The following PAK5 variants were observed in gnomAD, a reference collection of about 807,000 sequenced individuals.
PAK5 encodes the protein serine/threonine-protein kinase PAK 5.
A neutral mutation model predicts 65.9 loss-of-function variants in PAK5; 16 were observed. The observed-to-expected ratio is 0.24, with a 90% CI of 0.16 to 0.37. The LOEUF is 0.37. Among genes scored for constraint, PAK5 ranks in the 10% least tolerant of loss-of-function variants. PAK5 has a pLI of 1.00. For synonymous variants in PAK5, 371 were observed against 354.9 expected (o/e 1.05, Z -0.51); for missense variants, 785 against 903.9 (o/e 0.87, Z 1.69).
chr20:9,789,885 G>T (rs2049031778), intron 1 of PAK5, among the ~76,000 whole-genome samples: 1 of 152,066 alleles, frequency 6.6e-6, no homozygotes, highest in Admixed American at 6.6e-5. Context: ...AAAATGAAGT[G>T]GCTCATTTTC....
chr20:9,669,996 C>T (rs548626622), intron 2 of PAK5, among the ~76,000 whole-genome samples: 1 of 151,184 alleles, frequency 6.6e-6, no homozygotes, highest in Admixed American at 6.6e-5. Flanking sequence ...TCATCAATTC[C>T]CACCTATGAG....
chr20:9,541,002 C>T (rs1356010688), intron 9 of PAK5, among the ~76,000 whole-genome samples: 1 of 152,176 alleles, frequency 6.6e-6, no homozygotes, highest in Non-Finnish European at 1.5e-5. Flanking sequence ...TTCCAGAGTG[C>T]TGGGATTACA....
intron 1 of PAK5, among the ~76,000 whole-genome samples, chr20:9,836,421 A>G (rs1395814859): frequency 2.0e-5 from 3 of 152,244 alleles, no homozygotes; most frequent in South Asian, 2.1e-4. Context: ...ACACAGGGAC[A>G]GAGACAGAGA....
At chr20:9,779,834 T>G (rs1051807460) in intron 1 of PAK5, among the ~76,000 whole-genome samples, 6 of 152,060 alleles carry the variant, frequency 3.9e-5, no homozygotes, top group African/African-American at 1.4e-4. Context: ...TTAATGCAAC[T>G]TAACCAAGAT....
intron 3 of PAK5, among the ~76,000 whole-genome samples, chr20:9,641,154 C>T (rs906724137): frequency 7.2e-5 from 11 of 151,970 alleles, no homozygotes; most frequent in Middle Eastern, 3.4e-3. Context: ...TACAGAGTTT[C>T]GACACACAGG....
At chr20:9,701,025 G>T (rs1042846305) in intron 2 of PAK5, among the ~76,000 whole-genome samples, 39 of 152,084 alleles carry the variant, frequency 2.6e-4, no homozygotes, top group African/African-American at 9.4e-4. Flanking sequence ...AGATAGGTAG[G>T]AGCCATTGCA....
At position 9,567,146 on chromosome 20, in the gene PAK5, C is replaced by G. The variant is rs1324708092; in HGVS notation, c.991-762G>C. 2.0e-5 allele frequency among the ~76,000 whole-genome samples: 3 copies of G among 152,244 alleles called. No homozygotes were observed. The South Asian group carries it at 6.2e-4, about 32-fold the overall frequency. On this transcript the variant is annotated intron_variant, in intron 4 of 9. Transcript: ENST00000353224. ...TGCTGAGGCCAGGATGGTAAAGATA[C>G]CACATCTTGTCATGTGGTATGCTCC... is the stretch of plus-strand genomic sequence containing the variant.
intron 1 of PAK5, among the ~76,000 whole-genome samples, chr20:9,739,228 C>T (rs201013293): frequency 4.1e-5 from 6 of 145,718 alleles, no homozygotes; most frequent in African/African-American, 7.5e-5. Context: ...TCTTTGCTTT[C>T]TTTTTTTTTT....
chr20:9,707,024 C>T (rs1256392946), intron 2 of PAK5, among the ~76,000 whole-genome samples: 1 of 152,110 alleles, frequency 6.6e-6, no homozygotes, highest in Non-Finnish European at 1.5e-5. Flanking sequence ...TAATCCTCCT[C>T]TCTCTCCCTC....
intron 1 of PAK5, among the ~76,000 whole-genome samples, chr20:9,802,282 T>C (rs1207756655): frequency 6.6e-6 from 1 of 152,046 alleles, no homozygotes; most frequent in East Asian, 1.9e-4. Context: ...GTTAGCTAGG[T>C]TGTACTCACG....
chr20:9,651,968 A>G (rs2047208881), intron 2 of PAK5, among the ~76,000 whole-genome samples: 2 of 152,342 alleles, frequency 1.3e-5, no homozygotes, highest in South Asian at 4.1e-4. Context: ...CATGGTAGAA[A>G]GAATAAGACC....
rs768615574 is a variant in PAK5, at chr20:9,563,022, G to A, written c.1485C>T (p.Val495=). Residue 495 remains valine, a splice_region_variant and synonymous_variant, in exon 6 of 10, where the codon GTC becomes GTT. Transcript: ENST00000353224. ...CATGGTGGTAATCCCGCATGATCAC[G>A]ACCTGGGGAAACGGGAAATATACTT... ...QQRRELLFNE[V]VIMRDYHHDN... 7.4e-6 allele frequency: 12 copies of A among 1,612,264 alleles called. No homozygotes were observed. Among genetic ancestry groups the A allele is most frequent in the South Asian group, 3.3e-5 (3 of 90,848 alleles).
At chr20:9,781,551 A>T (rs1046168807) in intron 1 of PAK5, among the ~76,000 whole-genome samples, 1 of 152,146 alleles carries the variant, frequency 6.6e-6, no homozygotes, top group East Asian at 1.9e-4. Context: ...TCTAGACATC[A>T]CTTGGAGCAC....
At chr20:9,708,233 C>A (rs571928436) in intron 2 of PAK5, among the ~76,000 whole-genome samples, 1 of 152,014 alleles carries the variant, frequency 6.6e-6, no homozygotes, top group Non-Finnish European at 1.5e-5. Flanking sequence ...GCCAAGGGAC[C>A]CTTTTGGAGG....
intron 3 of PAK5, among the ~76,000 whole-genome samples, chr20:9,634,611 A>T (rs1162956650): frequency 6.6e-6 from 1 of 152,210 alleles, no homozygotes; most frequent in African/African-American, 2.4e-5. Context: ...TCAAAAAATA[A>T]CCACATTAAT....
Position 9,781,884 on chromosome 20 carries a change from C to G in PAK5, c.-162+56878G>C, listed in dbSNP as rs2048944110. Among the ~76,000 whole-genome samples the G allele has an allele frequency of 2.6e-5, 4 of 152,236 alleles. No homozygotes were observed. In the Middle Eastern group the frequency reaches 0.014, roughly 518 times the overall value. On this transcript the variant is annotated intron_variant, in intron 1 of 9. Coordinates refer to ENST00000353224, the MANE Select transcript of PAK5 (RefSeq NM_177990.4). ...TCAATATAAATGTATTGGAACAGGT[C>G]TCTTAGTTTCTCCCCTTTCCCCTAT...
At chr20:9,569,954 G>T (rs763845054) in intron 4 of PAK5, among the ~76,000 whole-genome samples, 2 of 149,190 alleles carry the variant, frequency 1.3e-5, no homozygotes, top group African/African-American at 5.2e-5. Flanking sequence ...CCTGGTTGCA[G>T]AGAGAACACA....
chr20:9,799,938 C>CAAAAAAAAAAAA (rs1215635117), intron 1 of PAK5, among the ~76,000 whole-genome samples: 1 of 18,978 alleles, frequency 5.3e-5, no homozygotes, highest in Non-Finnish European at 1.1e-4. Flanking sequence ...GACTCTGTCT[C>CAAAAAAAAAAAA]CAAAAAAAAA....
chr20:9,709,351 G>A (rs944817943), intron 2 of PAK5, among the ~76,000 whole-genome samples: 2 of 152,168 alleles, frequency 1.3e-5, no homozygotes, highest in South Asian at 2.1e-4. Flanking sequence ...CATGTCAGAG[G>A]TGAAATGTAC....
Sources: gnomAD v4.1 joint callset for allele counts (sites outside exome capture counted in the v4.1 genomes callset) on GRCh38, gnomAD v4.1.1 for gene constraint, MANE v1.5 for transcripts, NCBI Gene and HGNC (gene_info 2026-07-23, HGNC 2026-07-21) for gene names.